The following STPG4 variants were observed in gnomAD, a reference collection of about 807,000 sequenced individuals.
The protein encoded by STPG4 is sperm-tail PG-rich repeat containing 4, also known as protein STPG4.
A neutral mutation model predicts 31.5 loss-of-function variants in STPG4; 41 were observed. The ratio of observed to expected loss-of-function variants is 1.30; its 90% CI spans 1.01 to 1.69. The LOEUF (loss-of-function observed/expected upper bound fraction) is 1.69, where lower values mean the gene tolerates loss of function less well. Ranked by LOEUF, STPG4 falls within the 40% of genes most tolerant of loss-of-function variation. STPG4 has a pLI of 0.00. For synonymous variants in STPG4, 141 were observed against 103.0 expected (o/e 1.37, Z -2.24); for missense variants, 375 against 293.4 (o/e 1.28, Z -2.03).
chr2:47,119,320 C>T (rs1254612518), intron 5 of STPG4, among the ~76,000 whole-genome samples: 3 of 152,258 alleles, frequency 2.0e-5, no homozygotes, highest in Non-Finnish European at 4.4e-5. Flanking sequence ...CAGTGAATCA[C>T]TTTTATTTAT....
intron 5 of STPG4, among the ~76,000 whole-genome samples, chr2:47,123,105 C>A (rs1355094873): frequency 2.6e-5 from 4 of 152,196 alleles, no homozygotes; most frequent in Admixed American, 2.0e-4. Context: ...GGATTACAGG[C>A]GTGAGCCACT....
chr2:47,090,791 A>G (rs1334521944), intron 5 of STPG4, among the ~76,000 whole-genome samples: 1 of 152,254 alleles, frequency 6.6e-6, no homozygotes, highest in Non-Finnish European at 1.5e-5. Flanking sequence ...ATTCTTTCAT[A>G]TAAATGTCAT....
chr2:47,105,915 G>C (rs1399477569), intron 5 of STPG4, among the ~76,000 whole-genome samples: 1 of 151,996 alleles, frequency 6.6e-6, no homozygotes, highest in Non-Finnish European at 1.5e-5. Flanking sequence ...AAATTATAGA[G>C]TTATTGCATG....
At chr2:47,114,157 G>A (rs576234413) in intron 5 of STPG4, among the ~76,000 whole-genome samples, 2 of 151,966 alleles carry the variant, frequency 1.3e-5, no homozygotes, top group East Asian at 3.9e-4. Context: ...GATAGCTTAA[G>A]CCCAGGTGTT....
chr2:47,133,456 C>T (rs758226521), intron 3 of STPG4, among the ~76,000 whole-genome samples: 84 of 151,780 alleles, frequency 5.5e-4, no homozygotes, highest in Non-Finnish European at 5.0e-4. Context: ...TGTGAGCCAA[C>T]ATGCCTGGCC....
intron 3 of STPG4, among the ~76,000 whole-genome samples, chr2:47,143,354 T>C (rs1405563324): frequency 6.6e-6 from 1 of 152,234 alleles, no homozygotes; most frequent in Non-Finnish European, 1.5e-5. Flanking sequence ...CTTATATAGT[T>C]GATCACCTGA....
intron 5 of STPG4, among the ~76,000 whole-genome samples, chr2:47,093,904 T>C (rs1298477105): frequency 1.3e-5 from 2 of 152,242 alleles, no homozygotes; most frequent in African/African-American, 4.8e-5. Context: ...GGCCCTGCAA[T>C]GGCCGGGCAA....
intron 5 of STPG4, among the ~76,000 whole-genome samples, chr2:47,107,514 C>G (rs1318333391): frequency 6.6e-6 from 1 of 152,198 alleles, no homozygotes; most frequent in African/African-American, 2.4e-5. Context: ...AGCTGCCTTC[C>G]CAAGGGGCAG....
At chr2:47,118,101 G>A (rs372959891) in intron 5 of STPG4, among the ~76,000 whole-genome samples, 78 of 152,132 alleles carry the variant, frequency 5.1e-4, no homozygotes, top group African/African-American at 1.8e-3. Context: ...GGTTTTAAGC[G>A]AGTTGCTTAC....
At chr2:47,155,041 G>A (rs985152827) in intron 1 of STPG4, 130 bp downstream of exon 1, 11 of 772,726 alleles carry the variant, frequency 1.4e-5, no homozygotes, top group Non-Finnish European at 2.2e-5. Context: ...GTGCGTGAGG[G>A]CAGGGAGAGA....
chr2:47,088,882 G>C (rs1208035899), intron 6 of STPG4, among the ~76,000 whole-genome samples: 1 of 152,168 alleles, frequency 6.6e-6, no homozygotes, highest in East Asian at 1.9e-4. Context: ...AGTGCATGTG[G>C]AGTCCTGGGA....
At chr2:47,104,687 G>C (rs1402453987) in intron 5 of STPG4, among the ~76,000 whole-genome samples, 2 of 151,918 alleles carry the variant, frequency 1.3e-5, no homozygotes, top group Admixed American at 1.3e-4. Context: ...CACTTCTCAA[G>C]TCCAGGCACT....
At chr2:47,153,166 C>T (rs6749284) in intron 1 of STPG4, 150 bp from the exon 2 acceptor site, 53,454 of 544,312 alleles carry the variant, frequency 0.098, 3,733 homozygotes, top group African/African-American at 0.25. Flanking sequence ...AATAAATTTG[C>T]CCATATTTCC....
At chr2:47,115,484 T>C (rs1686129108) in intron 5 of STPG4, among the ~76,000 whole-genome samples, 3 of 152,148 alleles carry the variant, frequency 2.0e-5, no homozygotes, top group Non-Finnish European at 4.4e-5. Flanking sequence ...CATTGTTAGT[T>C]TGGCTAAATA....
intron 5 of STPG4, among the ~76,000 whole-genome samples, chr2:47,119,025 A>C (rs943788204): frequency 4.6e-5 from 7 of 152,246 alleles, no homozygotes; most frequent in Non-Finnish European, 8.8e-5. Flanking sequence ...TAATGTCCTA[A>C]GGATTACAGC....
At chr2:47,098,147 G>A (rs1307477636) in intron 5 of STPG4, among the ~76,000 whole-genome samples, 2 of 152,160 alleles carry the variant, frequency 1.3e-5, no homozygotes, top group African/African-American at 4.8e-5. Context: ...ACAGACAGGA[G>A]CAGATTAAAG....
intron 5 of STPG4, among the ~76,000 whole-genome samples, chr2:47,093,917 G>T (rs893469121): frequency 1.1e-4 from 17 of 152,240 alleles, no homozygotes; most frequent in African/African-American, 3.1e-4. Flanking sequence ...CCGGGCAACA[G>T]CTCTAGCAGA....
chr2:47,140,049 C>G (rs1271556893), intron 3 of STPG4, among the ~76,000 whole-genome samples: 1 of 152,160 alleles, frequency 6.6e-6, no homozygotes, highest in South Asian at 2.1e-4. Context: ...GCTGGGATTA[C>G]AAGCGTGAGC....
At chr2:47,090,771 A>T (rs1685555491) in intron 5 of STPG4, among the ~76,000 whole-genome samples, 1 of 152,266 alleles carries the variant, frequency 6.6e-6, no homozygotes, top group Admixed American at 6.5e-5. Context: ...TTAGCTTTAT[A>T]AAAATGCTTA....
Sources: gnomAD v4.1 joint callset for allele counts (sites outside exome capture counted in the v4.1 genomes callset) on GRCh38, gnomAD v4.1.1 for gene constraint, MANE v1.5 for transcripts, NCBI Gene and HGNC (gene_info 2026-07-23, HGNC 2026-07-21) for gene names.